Variants in CNTN4 observed in about 807,000 individuals in gnomAD.
CNTN4 encodes the protein contactin 4.
In CNTN4, 77 loss-of-function variants were observed where a neutral mutation model predicts 122.5. The ratio of observed to expected loss-of-function variants is 0.63; its 90% confidence interval spans 0.52 to 0.76. CNTN4 has a LOEUF of 0.76. CNTN4 is among the 30% of genes least tolerant of loss of function. CNTN4 has a pLI of 0.00. For missense variants in CNTN4, 1,256 were observed against 1,259.1 expected, an observed-to-expected ratio of 1.00 and a Z score of 0.04; for synonymous variants, 512 against 447.0, an observed-to-expected ratio of 1.15 and a Z score of -1.83.
In CNTN4 at chr3:3,057,910, A is replaced by G. The variant is rs1052867804; in HGVS notation, c.*1690A>G. Reference sequence around the variant, plus strand: ...ATGATATTTACCAGTGATCTAGCATATGTAATCTTTTTTAAAGGTATTGTT... The same window carrying G: ...ATGATATTTACCAGTGATCTAGCATGTGTAATCTTTTTTAAAGGTATTGTT... On this transcript the variant is annotated 3_prime_UTR_variant, in exon 25 of 25. Transcript: ENST00000418658. 3 of 152,528 alleles carry G rather than the reference A, an allele frequency of 2.0e-5. No individual in the cohort carries two copies. The highest frequency in any genetic ancestry group is 4.4e-5 in the Non-Finnish European group (3 of 68,030). 9.4% of individuals were successfully genotyped at this position (152,528 alleles called of 1,614,324 possible).
intron 6 of CNTN4, among the ~76,000 whole-genome samples, chr3:2,818,449 A>T (rs1316428729): frequency 6.6e-6 from 1 of 152,156 alleles, no homozygotes; most frequent in Admixed American, 6.5e-5. Flanking sequence ...CACAAATGTT[A>T]CTCTGCTCTA....
intron 12 of CNTN4, 66 bp downstream of exon 12, chr3:2,903,071 T>C: frequency 6.6e-7 from 1 of 1,516,962 alleles, no homozygotes; most frequent in South Asian, 1.2e-5. Flanking sequence ...AACTTGTTCT[T>C]TGCCAAGCAT....
chr3:2,423,362 C>G (rs1002684107), intron 3 of CNTN4, among the ~76,000 whole-genome samples: 5 of 152,118 alleles, frequency 3.3e-5, no homozygotes, highest in African/African-American at 1.2e-4. Flanking sequence ...CATGTGGTGC[C>G]ATTTTGTGTA....
At chr3:2,569,146 TAA>T (rs1241380218) in intron 3 of CNTN4, among the ~76,000 whole-genome samples, 1 of 152,116 alleles carries the variant, frequency 6.6e-6, no homozygotes, top group Non-Finnish European at 1.5e-5. Context: ...GATCCGAAGT[TAA>T]GAGTCCCTTT....
chr3:2,635,146 C>T (rs777640168), intron 4 of CNTN4, among the ~76,000 whole-genome samples: 2 of 152,062 alleles, frequency 1.3e-5, no homozygotes, highest in Admixed American at 6.6e-5. Flanking sequence ...TCACTCTCTA[C>T]GCACCTGTTC....
intron 13 of CNTN4, among the ~76,000 whole-genome samples, chr3:2,949,242 G>C (rs917472005): frequency 1.6e-4 from 24 of 152,178 alleles, no homozygotes; most frequent in South Asian, 4.2e-4. Context: ...TCTTTGCAGA[G>C]AGACCTCAAG....
At chr3:2,950,725 T>C (rs2094731689) in intron 13 of CNTN4, among the ~76,000 whole-genome samples, 1 of 152,232 alleles carries the variant, frequency 6.6e-6, no homozygotes, top group Admixed American at 6.5e-5. Context: ...TATCCCAGCA[T>C]TCTTTGATGA....
At chr3:2,886,596 C>G (rs192766817) in intron 9 of CNTN4, among the ~76,000 whole-genome samples, 1 of 149,596 alleles carries the variant, frequency 6.7e-6, no homozygotes, top group Non-Finnish European at 1.5e-5. Context: ...ACTGCAACCT[C>G]CGCTTCCCAG....
rs1369351738 is a variant in CNTN4 at position 2,226,433 on chromosome 3, A to G, written c.-144-112745A>G. On this transcript the variant is annotated intron_variant, in intron 2 of 24. Coordinates refer to ENST00000418658, the MANE Select transcript of CNTN4 (RefSeq NM_175607.3). ...TGGATTGAGCATAACCACTTTACAT[A>G]CAGAGCAGGAGCTACTGAAGTGGCA... 2.0e-5 allele frequency among the ~76,000 whole-genome samples: 3 copies of G among 152,184 alleles called. 1 individual carries two copies. The highest frequency in any genetic ancestry group is 7.2e-5 in the African/African-American group (3 of 41,460).
intron 3 of CNTN4, among the ~76,000 whole-genome samples, chr3:2,503,099 T>C (rs1216641921): frequency 6.6e-6 from 1 of 152,132 alleles, no homozygotes; most frequent in Non-Finnish European, 1.5e-5. Flanking sequence ...AAGAAATAGG[T>C]GCATAAACAG....
chr3:2,124,433 AACACACACACACAC>A (rs60760373), intron 2 of CNTN4, among the ~76,000 whole-genome samples: 6 of 123,816 alleles, frequency 4.8e-5, no homozygotes, highest in African/African-American at 1.2e-4. Context: ...ATTTATTTAA[AACACACACACACAC>A]ACACACACAC....
intron 6 of CNTN4, among the ~76,000 whole-genome samples, chr3:2,771,122 G>A (rs2091079352): frequency 6.6e-6 from 1 of 152,154 alleles, no homozygotes; most frequent in African/African-American, 2.4e-5. Flanking sequence ...TGTCATTAAA[G>A]TTACCCTCAG....
chr3:2,580,306 A>G (rs1413892214), intron 4 of CNTN4, among the ~76,000 whole-genome samples: 5 of 152,160 alleles, frequency 3.3e-5, no homozygotes. Context: ...AGAGACATCC[A>G]TCTGGGGGCC....
chr3:2,877,677 G>T (rs1316666800), intron 8 of CNTN4, among the ~76,000 whole-genome samples: 3 of 152,136 alleles, frequency 2.0e-5, no homozygotes, highest in Non-Finnish European at 4.4e-5. Flanking sequence ...GTTCGAAGAT[G>T]AAAAGGGGGT....
At chr3:2,935,133 T>TA (rs563921014) in intron 13 of CNTN4, among the ~76,000 whole-genome samples, 31 of 152,340 alleles carry the variant, frequency 2.0e-4, no homozygotes, top group Non-Finnish European at 3.8e-4. Context: ...TATGTGGGTA[T>TA]AGTATGGCAT....
chr3:2,134,315 G>C (rs2034584531), intron 2 of CNTN4, among the ~76,000 whole-genome samples: 1 of 152,282 alleles, frequency 6.6e-6, no homozygotes, highest in Admixed American at 6.5e-5. Context: ...CTGGTGTGCT[G>C]AACGAGTCTC....
At chr3:2,230,880 C>G (rs2039459448) in intron 2 of CNTN4, among the ~76,000 whole-genome samples, 1 of 151,932 alleles carries the variant, frequency 6.6e-6, no homozygotes, top group Non-Finnish European at 1.5e-5. Context: ...CCCAGTTACT[C>G]AGGAGACTGA....
rs1027223679 is a variant in CNTN4 at position 2,328,751 on chromosome 3, A to T, written c.-144-10427A>T. Reference sequence around the variant, plus strand: ...GCATTTTCATTGTATTAGGTGTTATAAGTAATCTAGAGATGATTTAAAATA... The same window carrying T: ...GCATTTTCATTGTATTAGGTGTTATTAGTAATCTAGAGATGATTTAAAATA... On this transcript the variant is annotated intron_variant, in intron 2 of 24. Transcript: ENST00000418658. Among the ~76,000 whole-genome samples the T allele has an allele frequency of 5.3e-5, 8 of 152,304 alleles. No homozygotes were observed. The East Asian group carries it at 1.5e-3, about 29-fold the overall frequency.
At chr3:2,388,238 C>G (rs9851526) in intron 3 of CNTN4, among the ~76,000 whole-genome samples, 28,480 of 152,104 alleles carry the variant, frequency 0.19, 2,896 homozygotes, top group Middle Eastern at 0.29. Context: ...TATTATTGCT[C>G]TAATATGCTA....
Sources: gnomAD v4.1 joint callset for allele counts (sites outside exome capture counted in the v4.1 genomes callset) on GRCh38, gnomAD v4.1.1 for gene constraint, MANE v1.5 for transcripts, NCBI Gene and HGNC (gene_info 2026-07-23, HGNC 2026-07-21) for gene names.